The following ERC2 variants were observed in gnomAD, a reference collection of about 807,000 sequenced individuals.
ERC2 encodes ERC protein 2.
A neutral mutation model predicts 114.8 loss-of-function variants in ERC2; 42 were observed. That is an observed-to-expected ratio of 0.37 (90% CI 0.29 to 0.47). The LOEUF (loss-of-function observed/expected upper bound fraction) is 0.47, where lower values mean the gene tolerates loss of function less well. Among genes scored for constraint, ERC2 ranks in the 20% least tolerant of loss-of-function variants. The pLI, the probability that ERC2 is intolerant of heterozygous loss-of-function variation, is 0.99. For synonymous variants in ERC2, 454 were observed against 425.5 expected, an observed-to-expected ratio of 1.07 and a Z score of -0.82; for missense variants, 939 against 1,150.7, an observed-to-expected ratio of 0.82 and a Z score of 2.66.
chr3:55,919,266 C>G (rs1037255908), intron 13 of ERC2, among the ~76,000 whole-genome samples: 1 of 152,106 alleles, frequency 6.6e-6, no homozygotes, highest in Admixed American at 6.5e-5. Flanking sequence ...GCAGTCCTAG[C>G]TACTTGGAAG....
intron 14 of ERC2, among the ~76,000 whole-genome samples, chr3:55,753,545 T>C (rs1272269793): frequency 1.3e-5 from 2 of 152,188 alleles, no homozygotes; most frequent in Non-Finnish European, 2.9e-5. Flanking sequence ...ATTGGATTCA[T>C]TTGAAACACT....
At chr3:56,205,652 C>T (rs1336344999) in intron 3 of ERC2, among the ~76,000 whole-genome samples, 1 of 152,148 alleles carries the variant, frequency 6.6e-6, no homozygotes, top group Non-Finnish European at 1.5e-5. Flanking sequence ...AAACTACCAC[C>T]AGGTCACAAA....
chr3:55,910,394 C>CA (rs1177638714), intron 13 of ERC2, among the ~76,000 whole-genome samples: 6 of 148,202 alleles, frequency 4.0e-5, no homozygotes, highest in African/African-American at 1.3e-4. Flanking sequence ...TCTGTCTCAA[C>CA]AAAAAAACAA....
At chr3:56,336,908 C>T (rs184917499) in intron 2 of ERC2, among the ~76,000 whole-genome samples, 284 of 152,004 alleles carry the variant, frequency 1.9e-3, no homozygotes, top group African/African-American at 6.3e-3. Context: ...TCACTAATAC[C>T]AAAACTTAAT....
chr3:55,793,443 A>C (rs1283086974), intron 14 of ERC2, among the ~76,000 whole-genome samples: 2 of 152,148 alleles, frequency 1.3e-5, no homozygotes, highest in African/African-American at 4.8e-5. Context: ...TTTTTGCCTA[A>C]GAGTAAGCAG....
chr3:55,716,621 C>A (rs1246543167), intron 15 of ERC2, among the ~76,000 whole-genome samples: 1 of 152,126 alleles, frequency 6.6e-6, no homozygotes, highest in East Asian at 1.9e-4. Flanking sequence ...CTTCTGATTC[C>A]CTTTTATAGC....
intron 10 of ERC2, among the ~76,000 whole-genome samples, chr3:55,999,051 A>G (rs995071655): frequency 2.6e-5 from 4 of 152,126 alleles, no homozygotes; most frequent in Non-Finnish European, 5.9e-5. Context: ...AGGTCTAAAG[A>G]TTTATTAAAA....
chr3:56,398,568 G>A (rs753198593), intron 2 of ERC2, among the ~76,000 whole-genome samples: 2 of 151,860 alleles, frequency 1.3e-5, no homozygotes, highest in Non-Finnish European at 2.9e-5. Context: ...ACATATATAT[G>A]TCATATATAC....
chr3:56,442,667 T>G (rs1262199421), intron 1 of ERC2, among the ~76,000 whole-genome samples: 1 of 152,216 alleles, frequency 6.6e-6, no homozygotes, highest in Non-Finnish European at 1.5e-5. Context: ...TTTAGGACAC[T>G]CATATGTATT....
chr3:56,335,550 G>T (rs575333405), intron 2 of ERC2, among the ~76,000 whole-genome samples: 29 of 152,262 alleles, frequency 1.9e-4, no homozygotes, highest in African/African-American at 6.3e-4. Flanking sequence ...CATTATTAAT[G>T]ATCTATAACC....
chr3:56,102,066 G>A (rs9862215), intron 6 of ERC2, among the ~76,000 whole-genome samples: 26,164 of 152,150 alleles, frequency 0.17, 2,461 homozygotes, highest in African/African-American at 0.23. Flanking sequence ...ATGTTCTTAC[G>A]CTCATATTTT....
At chr3:56,183,524 T>C (rs1039794817) in intron 3 of ERC2, among the ~76,000 whole-genome samples, 70 of 152,350 alleles carry the variant, frequency 4.6e-4, no homozygotes, top group African/African-American at 1.6e-3. Context: ...TGATTATTAG[T>C]GTTCCCGACA....
intron 14 of ERC2, among the ~76,000 whole-genome samples, chr3:55,849,690 T>A (rs2149237544): frequency 6.6e-6 from 1 of 152,244 alleles, no homozygotes; most frequent in Non-Finnish European, 1.5e-5. Context: ...TTCCAAGGAC[T>A]AAGTTGAGGG....
At chr3:56,311,750 A>G (rs962758944) in intron 2 of ERC2, among the ~76,000 whole-genome samples, 3 of 151,994 alleles carry the variant, frequency 2.0e-5, no homozygotes, top group East Asian at 3.9e-4. Flanking sequence ...TTACCCGTTA[A>G]TCAACTCTAC....
intron 12 of ERC2, among the ~76,000 whole-genome samples, chr3:55,966,455 C>A (rs1371731239): frequency 6.6e-6 from 1 of 152,170 alleles, no homozygotes; most frequent in African/African-American, 2.4e-5. Flanking sequence ...GGTGCCTAAG[C>A]ATGTATGCCA....
At chr3:55,875,597 T>G (rs953763444) in intron 14 of ERC2, among the ~76,000 whole-genome samples, 2 of 152,146 alleles carry the variant, frequency 1.3e-5, no homozygotes, top group Non-Finnish European at 2.9e-5. Context: ...TCGATCGCTT[T>G]GCTCCTGGGA....
At chr3:55,774,921 G>T (rs1241198860) in intron 14 of ERC2, among the ~76,000 whole-genome samples, 1 of 152,156 alleles carries the variant, frequency 6.6e-6, no homozygotes, top group African/African-American at 2.4e-5. Flanking sequence ...TTTGGTTCTT[G>T]CCTCATTAAA....
intron 12 of ERC2, among the ~76,000 whole-genome samples, chr3:55,951,820 TA>T (rs2067537580): frequency 2.0e-5 from 3 of 152,068 alleles, no homozygotes; most frequent in Admixed American, 1.3e-4. Flanking sequence ...AACTAGATGA[TA>T]AACAGCAAAC....
Position 55,588,748 on chromosome 3 carries a change from A to G in ERC2, c.*40-77472T>C, listed in dbSNP as rs537952678. Among the ~76,000 whole-genome samples, 25 of 152,068 alleles carry G rather than the reference A, an allele frequency of 1.6e-4. 1 individual carries two copies. The highest frequency in any genetic ancestry group is 3.4e-4 in the Non-Finnish European group (23 of 68,018). On this transcript the variant is annotated intron_variant, in intron 17 of 17. Coordinates refer to ENST00000288221, the MANE Select transcript of ERC2 (RefSeq NM_015576.3). ...GTGGGGCTCCCCCTTCCTTCCCACA[A>G]AGGGATCCAGAGATGCTGATAAGAT... is the stretch of plus-strand genomic sequence containing the variant.
Sources: gnomAD v4.1 joint callset for allele counts (sites outside exome capture counted in the v4.1 genomes callset) on GRCh38, gnomAD v4.1.1 for gene constraint, MANE v1.5 for transcripts, NCBI Gene and HGNC (gene_info 2026-07-23, HGNC 2026-07-21) for gene names.